The following HIVEP3 variants were observed in gnomAD, a reference collection of about 807,000 sequenced individuals.
HIVEP3 encodes the protein transcription factor HIVEP3.
Under a neutral mutation model 152.8 loss-of-function variants are expected in HIVEP3, and 49 were observed. The ratio of observed to expected loss-of-function variants is 0.32; its 90% CI spans 0.26 to 0.41. HIVEP3 has a LOEUF of 0.41. Ranked by LOEUF, HIVEP3 falls within the 10% of genes least tolerant of loss-of-function variation. HIVEP3 has a pLI of 1.00. For missense variants in HIVEP3, 2,790 were observed against 3,103.3 expected (o/e 0.90, Z 2.40); for synonymous variants, 1,269 against 1,289.0 (o/e 0.98, Z 0.33).
intron 1 of HIVEP3, among the ~76,000 whole-genome samples, chr1:41,999,886 CT>C (rs371837035): frequency 0.021 from 2,977 of 144,148 alleles, 54 homozygotes; most frequent in African/African-American, 0.058. Flanking sequence ...TTGATCCATT[CT>C]TTTTTTTTTT....
intron 2 of HIVEP3, among the ~76,000 whole-genome samples, chr1:41,661,736 T>C (rs2124046278): frequency 6.6e-6 from 1 of 152,324 alleles, no homozygotes; most frequent in East Asian, 1.9e-4. Flanking sequence ...TCCCACGGTA[T>C]GCGTGGGTGC....
At chr1:41,983,945 A>G (rs79037341) in intron 1 of HIVEP3, among the ~76,000 whole-genome samples, 2,141 of 152,308 alleles carry the variant, frequency 0.014, 48 homozygotes, top group African/African-American at 0.049. Context: ...GAAGTAGAAC[A>G]ATGAAGAAAA....
At chr1:41,554,683 T>G (rs1212487241) in intron 5 of HIVEP3, among the ~76,000 whole-genome samples, 1 of 152,224 alleles carries the variant, frequency 6.6e-6, no homozygotes, top group Admixed American at 6.5e-5. Flanking sequence ...GGTGTTGATG[T>G]CCTTTTTGTT....
rs563283354 is a variant in HIVEP3 at position 41,802,408 on chromosome 1, G to T, written c.-800-101413C>A. ...CTTTTTATTTTTCATAGAGATGGGG[G>T]TCTCCTGATATTGCCCAGGCTAGTC... On this transcript the variant is annotated intron_variant, in intron 1 of 8. Transcript: ENST00000372583. Among the ~76,000 whole-genome samples, 13 of 152,088 alleles carry T rather than the reference G, an allele frequency of 8.5e-5. No individual in the cohort carries two copies. The East Asian group carries it at 2.3e-3, about 27-fold the overall frequency.
chr1:41,956,028 G>A lies in HIVEP3; in HGVS notation n.120-37504C>T, dbSNP rs80106253. ...CTTGTAGCCGGGACTCACTTCCAGC[G>A]GAAGGTGAAGAACAGTGAAGGCTGA... is the stretch of plus-strand genomic sequence containing the variant. On this transcript the variant is annotated intron_variant and non_coding_transcript_variant, in intron 1 of 3. Transcript: ENST00000489103. Among the ~76,000 whole-genome samples, 1,254 of 152,330 alleles carry A rather than the reference G, an allele frequency of 8.2e-3. 19 individuals are homozygous for A. Among genetic ancestry groups the A allele is most frequent in the African/African-American group, 0.029 (1,205 of 41,580 alleles).
rs563901576 is a variant in HIVEP3, at chr1:41,717,671, G to A, written c.-800-16676C>T. On this transcript the variant is annotated intron_variant, in intron 1 of 8. Coordinates refer to ENST00000372583, the MANE Select transcript of HIVEP3 (RefSeq NM_024503.5). ...CTTGTCTAGTGCTCTTGGGAAAAGA[G>A]AGGCTCAGGCAGGTTAGGTGACTTG... Among the ~76,000 whole-genome samples the A allele has an allele frequency of 2.0e-4, 30 of 152,324 alleles. 1 individual carries two copies. Among genetic ancestry groups the A allele is most frequent in the Admixed American group, 1.1e-3 (17 of 15,310 alleles).
At chr1:41,675,759 G>A (rs1361685838) in intron 2 of HIVEP3, among the ~76,000 whole-genome samples, 2 of 152,196 alleles carry the variant, frequency 1.3e-5, no homozygotes, top group Non-Finnish European at 2.9e-5. Context: ...CCTGCACCTG[G>A]CATAGAATAT....
intron 1 of HIVEP3, among the ~76,000 whole-genome samples, chr1:42,020,779 A>C (rs148651052): frequency 1.3e-5 from 2 of 152,340 alleles, no homozygotes; most frequent in African/African-American, 4.8e-5. Flanking sequence ...CAAAATAGTA[A>C]TAAGTGTTCT....
chr1:41,659,610 C>T (rs576103167), intron 2 of HIVEP3, among the ~76,000 whole-genome samples: 7 of 152,218 alleles, frequency 4.6e-5, no homozygotes, highest in Non-Finnish European at 8.8e-5. Flanking sequence ...CTCCTCTATG[C>T]CAGGCTCTCT....
At chr1:41,846,147 C>A (rs1414665548) in intron 1 of HIVEP3, among the ~76,000 whole-genome samples, 1 of 152,186 alleles carries the variant, frequency 6.6e-6, no homozygotes, top group Non-Finnish European at 1.5e-5. Context: ...CTCACATCAT[C>A]TTAATACAAA....
intron 1 of HIVEP3, among the ~76,000 whole-genome samples, chr1:41,961,276 G>T (rs1331338377): frequency 6.6e-6 from 1 of 152,204 alleles, no homozygotes; most frequent in Non-Finnish European, 1.5e-5. Context: ...GAGAGACTCT[G>T]AGCCAGACCA....
chr1:41,912,642 T>C (rs980688306), intron 1 of HIVEP3, among the ~76,000 whole-genome samples: 6 of 152,240 alleles, frequency 3.9e-5, no homozygotes, highest in South Asian at 2.1e-4. Context: ...TGGGTTTTTT[T>C]CTCAAACTTT....
intron 5 of HIVEP3, among the ~76,000 whole-genome samples, chr1:41,526,541 CCACACT>C (rs1324300642): frequency 2.5e-5 from 2 of 79,166 alleles, no homozygotes; most frequent in African/African-American, 5.0e-5. Context: ...GCTTACACCC[CCACACT>C]CACCCTCACC....
At chr1:42,009,066 G>C (rs1645478675) in intron 1 of HIVEP3, among the ~76,000 whole-genome samples, 2 of 152,130 alleles carry the variant, frequency 1.3e-5, no homozygotes, top group Admixed American at 1.3e-4. Flanking sequence ...AATAACAGAA[G>C]AATCAGGAAT....
At position 41,581,722 on chromosome 1, in the gene HIVEP3, G is replaced by C. The variant is rs1331170204; in HGVS notation, c.3076C>G (p.Pro1026Ala). 1.2e-6 allele frequency: 2 copies of C among 1,611,242 alleles called. No individual in the cohort carries two copies. Among genetic ancestry groups the C allele is most frequent in the Non-Finnish European group, 1.7e-6 (2 of 1,178,928 alleles). Residue 1026 changes from proline to alanine, a missense_variant, in exon 4 of 9, where the codon CCA becomes GCA. By Grantham distance (27) the Pro-to-Ala change is conservative (BLOSUM62 -1). Around this residue, in one of 9 missense-constraint regions of HIVEP3, gnomAD observed 1,078 missense variants for 1,165.3 expected, o/e 0.93. Transcript: ENST00000372583. This position sits in a 1 kb window ranked among gnomAD's most constrained non-coding sequence, Gnocchi z 4.5. ...GSLSLTGPSA[P>A]APVAPPARVA... ...CGCGCTGGTGGAGCCACTGGGGCTG[G>C]AGCAGAAGGGCCTGTCAAGGACAAG...
chr1:41,714,146 C>T (rs561325643), intron 1 of HIVEP3, among the ~76,000 whole-genome samples: 9 of 152,240 alleles, frequency 5.9e-5, no homozygotes, highest in Admixed American at 2.6e-4. Flanking sequence ...GAGGGTGATC[C>T]GAGGGGAGGC....
chr1:41,809,901 G>A (rs1044256211), intron 1 of HIVEP3, among the ~76,000 whole-genome samples: 2 of 152,142 alleles, frequency 1.3e-5, no homozygotes, highest in African/African-American at 4.8e-5. Context: ...CTTTCCTGAA[G>A]CTATAAATTA....
intron 5 of HIVEP3, among the ~76,000 whole-genome samples, chr1:41,527,269 A>ACACCCCTG (rs1558029342): frequency 2.0e-5 from 1 of 50,938 alleles, no homozygotes. Flanking sequence ...TCACATGCTC[A>ACACCCCTG]CCCTCACACA....
intron 2 of HIVEP3, among the ~76,000 whole-genome samples, chr1:41,689,718 T>C (rs1447296463): frequency 6.6e-6 from 1 of 152,258 alleles, no homozygotes; most frequent in Non-Finnish European, 1.5e-5. Flanking sequence ...CAGCTGAATA[T>C]GCATGAAGCT....
Sources: gnomAD v4.1 joint callset for allele counts (sites outside exome capture counted in the v4.1 genomes callset) on GRCh38, gnomAD v4.1.1 for gene constraint, gnomAD v4.1.1 regional missense constraint, Gnocchi (gnomAD v3.1) non-coding constraint, MANE v1.5 for transcripts, NCBI Gene and HGNC (gene_info 2026-07-23, HGNC 2026-07-21) for gene names.